The following ZUP1 variants were observed in gnomAD, a reference collection of about 807,000 sequenced individuals.
ZUP1 encodes the protein zinc finger-containing ubiquitin peptidase 1.
Under a neutral mutation model 68.1 loss-of-function variants are expected in ZUP1, and 55 were observed. The observed-to-expected ratio is 0.81, with a 90% CI of 0.65 to 1.01. ZUP1 has a LOEUF of 1.01. Among genes scored for constraint, ZUP1 ranks in the 50% least tolerant of loss-of-function variants. The pLI is 0.00. For missense variants in ZUP1, 684 were observed against 674.9 expected (o/e 1.01, Z -0.15); for synonymous variants, 223 against 221.5 (o/e 1.01, Z -0.06).
intron 2 of ZUP1, among the ~76,000 whole-genome samples, chr6:116,663,567 C>A (rs1438098743): frequency 6.6e-6 from 1 of 152,022 alleles, no homozygotes. Context: ...TTCCTTGCAG[C>A]AGTCCATAAA....
intron 2 of ZUP1, among the ~76,000 whole-genome samples, chr6:116,666,083 C>G (rs1425902267): frequency 1.3e-5 from 2 of 152,110 alleles, no homozygotes; most frequent in Non-Finnish European, 1.5e-5. Context: ...GACAGTACTA[C>G]TATAGAAAAC....
intron 7 of ZUP1, among the ~76,000 whole-genome samples, chr6:116,649,320 C>G (rs6926084): frequency 0.36 from 55,236 of 151,876 alleles, 10,686 homozygotes; most frequent in African/African-American, 0.5. Flanking sequence ...TAAACACGAT[C>G]ACAGACATCT....
At chr6:116,650,846 T>C (rs975667970) in intron 7 of ZUP1, among the ~76,000 whole-genome samples, 5 of 152,078 alleles carry the variant, frequency 3.3e-5, no homozygotes, top group Non-Finnish European at 5.9e-5. Context: ...GAAATTATGA[T>C]GGGCTAAGAG....
chr6:116,660,832 G>C lies in ZUP1; in HGVS notation c.574C>G (p.Leu192Val), dbSNP rs767325828. ...DIPLEDCDQP[L>V]YDCPMCGLIC... ...AGCCCACACATAGGACAATCATAGA[G>C]TGGTTGATCACAGTCTGTATCAGAG... Residue 192 changes from leucine to valine, a missense_variant, in exon 3 of 10, where the codon CTC (leucine) becomes GTC (valine). Physicochemically the swap from Leu to Val is conservative, Grantham distance 32. Coordinates refer to ENST00000368576, the MANE Select transcript of ZUP1 (RefSeq NM_145062.3). 2 of 1,573,764 alleles carry C rather than the reference G, an allele frequency of 1.3e-6. No homozygotes were observed. The highest frequency in any genetic ancestry group is 1.2e-5 in the South Asian group (1 of 85,992).
intron 9 of ZUP1, among the ~76,000 whole-genome samples, chr6:116,644,134 A>G (rs1300091585): frequency 1.3e-5 from 2 of 152,196 alleles, no homozygotes; most frequent in Non-Finnish European, 2.9e-5. Context: ...CAAAACCACA[A>G]TGAGATACCA....
chr6:116,664,879 G>GACACACAC (rs144584776), intron 2 of ZUP1, among the ~76,000 whole-genome samples: 12 of 147,130 alleles, frequency 8.2e-5, no homozygotes, highest in African/African-American at 3.0e-4. Flanking sequence ...CACAAGTACA[G>GACACACAC]ACACACACAC....
In ZUP1 at chr6:116,643,560, C is replaced by G. The variant is rs553231453; in HGVS notation, c.1689+2154G>C. On this transcript the variant is annotated intron_variant, in intron 9 of 9. Transcript: ENST00000368576. ...ATATCTACAACTATCTGATCTTTGACAAACCTGAGAAAAACAAGCAATGGG... is the reference window on the plus strand; with the variant it reads ...ATATCTACAACTATCTGATCTTTGAGAAACCTGAGAAAAACAAGCAATGGG... Among the ~76,000 whole-genome samples, 503 of 152,282 alleles carry G rather than the reference C, an allele frequency of 3.3e-3. 1 individual carries two copies. Among genetic ancestry groups the G allele is most frequent in the African/African-American group, 0.012 (486 of 41,552 alleles).
At chr6:116,642,088 G>A (rs1380035492) in intron 9 of ZUP1, among the ~76,000 whole-genome samples, 3 of 152,070 alleles carry the variant, frequency 2.0e-5, no homozygotes, top group Admixed American at 2.0e-4. Context: ...AAATCTAGAA[G>A]AAATGGATAA....
intron 2 of ZUP1, 38 bp downstream of exon 2, chr6:116,666,596 C>T: frequency 6.7e-7 from 1 of 1,483,852 alleles, no homozygotes; most frequent in Non-Finnish European, 9.0e-7. Context: ...TAAATTGAGG[C>T]TGTAAACTTA....
In ZUP1 at chr6:116,666,911, A is replaced by T; in HGVS notation, c.282T>A (p.Gly94=). 6.2e-7 allele frequency: 1 copy of T among 1,612,572 alleles called. No homozygotes were observed. The highest frequency in any genetic ancestry group is 1.7e-4 in the Middle Eastern group (1 of 6,052). ...AATTTTTTGGATGATTAGATGCACA[A>T]CCTGAAAGAATACTTGAATTAACTT... ...GMEVNSSILS[G]CASNHPKNSA... Residue 94 remains glycine (G), a synonymous_variant, in exon 2 of 10, where the codon GGT becomes GGA. Transcript: ENST00000368576.
At chr6:116,656,375 C>T (rs770771385) in intron 5 of ZUP1, among the ~76,000 whole-genome samples, 40 of 152,126 alleles carry the variant, frequency 2.6e-4, no homozygotes, top group Admixed American at 1.6e-3. Flanking sequence ...TGAGCCACCG[C>T]GCCCAGCCTC....
intron 1 of ZUP1, among the ~76,000 whole-genome samples, chr6:116,667,761 T>C (rs937539826): frequency 6.6e-6 from 1 of 151,900 alleles, no homozygotes; most frequent in African/African-American, 2.4e-5. Context: ...CAGAAAAAGG[T>C]GGAAGCCAAA....
At position 116,639,504 on chromosome 6, in the gene ZUP1, C is replaced by T. The variant is rs548614116; in HGVS notation, c.1690-3625G>A. Among the ~76,000 whole-genome samples the T allele has an allele frequency of 4.6e-5, 7 of 152,290 alleles. No individual in the cohort carries two copies. The South Asian group carries it at 1.5e-3, about 32-fold the overall frequency. Reference sequence around the variant, plus strand: ...CTCTGAGACAAAACTTCCAGAGGAACGATCAGACAGCAGCATTCGCGGTTC... The same window carrying T: ...CTCTGAGACAAAACTTCCAGAGGAATGATCAGACAGCAGCATTCGCGGTTC... On this transcript the variant is annotated intron_variant, in intron 9 of 9. Transcript: ENST00000368576.
At chr6:116,648,013 A>G (rs1776367009) in intron 7 of ZUP1, among the ~76,000 whole-genome samples, 1 of 152,230 alleles carries the variant, frequency 6.6e-6, no homozygotes. Context: ...TCTAACCCTG[A>G]TGATCAGAAG....
At chr6:116,652,716 A>G (rs1486172459) in intron 5 of ZUP1, among the ~76,000 whole-genome samples, 4 of 152,160 alleles carry the variant, frequency 2.6e-5, no homozygotes, top group Admixed American at 6.6e-5. Context: ...ACCCTTTAGT[A>G]ACATATTCCA....
chr6:116,652,003 C>A lies in ZUP1; in HGVS notation c.1150+1G>T. On this transcript the variant is annotated splice_donor_variant, in intron 6 of 9. Transcript: ENST00000368576. LOFTEE classifies it high-confidence loss of function. Reference sequence around the variant, plus strand: ...AGTTCAGAGTACTAGATTTCACATACCTTTTAAGCAATCGTTGTAAGCATC... The same window carrying A: ...AGTTCAGAGTACTAGATTTCACATAACTTTTAAGCAATCGTTGTAAGCATC... 6.2e-7 allele frequency: 1 copy of A among 1,613,468 alleles called. No individual in the cohort carries two copies. Among genetic ancestry groups the A allele is most frequent in the Non-Finnish European group, 8.5e-7 (1 of 1,179,632 alleles).
intron 2 of ZUP1, among the ~76,000 whole-genome samples, chr6:116,661,059 A>G (rs1427359719): frequency 6.7e-6 from 1 of 150,262 alleles, no homozygotes; most frequent in African/African-American, 2.4e-5. Context: ...TTTTTTTTTT[A>G]GAGATGAGAT....
chr6:116,655,194 T>C (rs1776625866), intron 5 of ZUP1, among the ~76,000 whole-genome samples: 1 of 152,098 alleles, frequency 6.6e-6, no homozygotes, highest in South Asian at 2.1e-4. Context: ...CTGGAAACAA[T>C]CTAAATGTTT....
intron 3 of ZUP1, among the ~76,000 whole-genome samples, chr6:116,659,227 T>A (rs934901186): frequency 2.6e-5 from 4 of 152,182 alleles, no homozygotes; most frequent in Non-Finnish European, 5.9e-5. Context: ...CCTGCCAGGT[T>A]CAAGTGATTC....
Sources: allele counts gnomAD v4.1 joint callset (sites outside exome capture counted in the v4.1 genomes callset), GRCh38; gene constraint gnomAD v4.1.1; transcripts MANE v1.5; gene names NCBI Gene and HGNC (gene_info 2026-07-23, HGNC 2026-07-21).